The following RTEL1 variants were observed in gnomAD, a reference collection of about 807,000 sequenced individuals.
RTEL1 encodes regulator of telomere length.
A neutral mutation model predicts 162.2 loss-of-function variants in RTEL1; 86 were observed. That is an observed-to-expected ratio of 0.53 (90% CI 0.45 to 0.63). The LOEUF (loss-of-function observed/expected upper bound fraction) is 0.63. Among genes scored for constraint, RTEL1 ranks in the 30% least tolerant of loss-of-function variants. The pLI, the probability that RTEL1 is intolerant of heterozygous loss-of-function variation, is 0.00. For synonymous variants in RTEL1, 958 were observed against 717.9 expected (o/e 1.33, Z -5.35); for missense variants, 1,941 against 1,750.2 (o/e 1.11, Z -1.95).
At chr20:63,679,799 G>A in intron 12 of RTEL1, 50 bp from the exon 13 acceptor site, 3 of 1,413,684 alleles carry the variant, frequency 2.1e-6, no homozygotes, top group Non-Finnish European at 3.0e-6. Flanking sequence ...TCCCAAAGCT[G>A]CAGTCTGGTC....
At position 63,679,861 on chromosome 20, in the gene RTEL1, G is replaced by T; in HGVS notation, c.1050G>T (p.Glu350Asp). The change falls in exon 13 of 35, where the codon GAG becomes GAT. Residue 350 changes from glutamate (E) to aspartate (D), a missense_variant. Coordinates refer to ENST00000360203, the MANE Select transcript of RTEL1 (RefSeq NM_001283009.2). Reference protein sequence around the residue: ...GVTKPGSYIFELFAEAQITFQ... With the variant: ...GVTKPGSYIFDLFAEAQITFQ... ...TTCTCCTCGGCAGCTACATCTTTGA[G>T]CTGTTTGCTGAAGCCCAGATCACGT... The T allele has an allele frequency of 6.2e-7, 1 of 1,610,816 alleles. No homozygotes were observed.
In RTEL1 at chr20:63,685,894, C is replaced by T. The variant is rs774102977; in HGVS notation, c.1348+22C>T. On this transcript the variant is annotated intron_variant, in intron 16 of 34. Coordinates refer to ENST00000360203, the MANE Select transcript of RTEL1 (RefSeq NM_001283009.2). ...CGAGGTACAGACCTGGGCCCACACGCTCCCCGCCCGCCCGGGTGCAGTGCC... is the reference window on the plus strand; with the variant it reads ...CGAGGTACAGACCTGGGCCCACACGTTCCCCGCCCGCCCGGGTGCAGTGCC... 16 of 1,605,674 alleles carry T rather than the reference C, an allele frequency of 1.0e-5. No homozygotes were observed. In the Admixed American group the frequency reaches 2.5e-4, roughly 25 times the overall value.
In RTEL1 at chr20:63,695,707, G is replaced by A. The variant is rs950409867; in HGVS notation, c.3822+57G>A. 47 of 1,606,788 alleles carry A rather than the reference G, an allele frequency of 2.9e-5. No homozygotes were observed. In the African/African-American group the frequency reaches 3.3e-4, roughly 11 times the overall value. On this transcript the variant is annotated intron_variant, in intron 34 of 34. Coordinates refer to ENST00000360203, the MANE Select transcript of RTEL1 (RefSeq NM_001283009.2). ...GTGTAGCCCCAGGTGATGGGCTGAGGGGGAAAGGGCAGGCCCTTGTCCTGG... is the reference window on the plus strand; with the variant it reads ...GTGTAGCCCCAGGTGATGGGCTGAGAGGGAAAGGGCAGGCCCTTGTCCTGG...
Position 63,661,385 on chromosome 20 carries a change from C to G in RTEL1, c.190C>G (p.Arg64Gly). 2 of 1,613,900 alleles carry G rather than the reference C, an allele frequency of 1.2e-6. No homozygotes were observed. Among genetic ancestry groups the G allele is most frequent in the Non-Finnish European group, 1.7e-6 (2 of 1,180,046 alleles). ...CACGCTGGCCTGGCGAGAACACCTC[C>G]GAGACGGCATCTCTGCCCGCAAGAT... ...CTTLAWREHLRDGISARKIAE... is the reference protein window; with the variant it reads ...CTTLAWREHLGDGISARKIAE... The change falls in exon 3 of 35, where the codon CGA (arginine) becomes GGA (glycine). Residue 64 changes from arginine to glycine, a missense_variant. Physicochemically the swap from Arg to Gly is moderately radical, Grantham distance 125. Coordinates refer to ENST00000360203, the MANE Select transcript of RTEL1 (RefSeq NM_001283009.2). The surrounding 1 kb of genome is among the most constrained non-coding windows in gnomAD (Gnocchi z 5.1).
rs1387471472 is a variant in RTEL1 at position 63,693,455 on chromosome 20, C to G, written c.2992+172C>G. On this transcript the variant is annotated intron_variant, in intron 30 of 34. Coordinates refer to ENST00000360203, the MANE Select transcript of RTEL1 (RefSeq NM_001283009.2). ...CCACCACCAGCACCAGCAGCACCAC[C>G]TCCACCTCCACCTCCACCTCCACCT... Among the ~76,000 whole-genome samples, 26 of 41,474 alleles carry G rather than the reference C, an allele frequency of 6.3e-4. 1 individual carries two copies. Among genetic ancestry groups the G allele is most frequent in the Non-Finnish European group, 1.0e-3 (23 of 22,330 alleles). 27.2% of individuals were successfully genotyped at this position (41,474 alleles called of 152,430 possible).
chr20:63,686,358 G>C (rs1018559401), intron 16 of RTEL1: 1 of 189,682 alleles, frequency 5.3e-6, no homozygotes, highest in East Asian at 1.5e-4. Flanking sequence ...TGGCGTCTTC[G>C]AGTCGGTGCT....
At chr20:63,692,134 T>C (rs1374559700) in intron 28 of RTEL1, 4 of 361,042 alleles carry the variant, frequency 1.1e-5, no homozygotes, top group South Asian at 6.0e-5. Flanking sequence ...ACCTGCCTCA[T>C]GTGAGGGACA....
Position 63,694,391 on chromosome 20 carries a change from C to T in RTEL1, c.3012C>T (p.Pro1004=). 1.2e-6 allele frequency: 2 copies of T among 1,612,428 alleles called. No homozygotes were observed. Among genetic ancestry groups the T allele is most frequent in the Non-Finnish European group, 1.7e-6 (2 of 1,179,692 alleles). ...LDPTGRTAPD[P]KLTVSTAAAQ... ...CATCAGGAAGAACGGCGCCGGATCC[C>T]AAGCTGACCGTGTCCACGGCTGCAG... The change falls in exon 31 of 35, where the codon CCC becomes CCT. Residue 1004 remains proline, a synonymous_variant. Transcript: ENST00000360203.
At chr20:63,678,844 C>T (rs1282703585) in intron 12 of RTEL1, among the ~76,000 whole-genome samples, 1 of 136,938 alleles carries the variant, frequency 7.3e-6, no homozygotes, top group Admixed American at 6.9e-5. Context: ...GAACGGCACA[C>T]ACTCCCACGG....
chr20:63,692,823 GCA>G lies in RTEL1; in HGVS notation c.2674_2675del (p.Gln892AspfsTer35), dbSNP rs1337596400. 1 of 1,612,132 alleles carries G rather than the reference GCA, an allele frequency of 6.2e-7. No individual in the cohort carries two copies. The highest frequency in any genetic ancestry group is 8.5e-7 in the Non-Finnish European group (1 of 1,179,562). ...VSHPEEPVAG[A>X]QTDRAKLFMV... ...CCTGCAGGAGGAGCCCGTGGCTGGT[GCA>G]CAGACGGACAGGGCCAAGCTCTTCA... On this transcript the variant is annotated frameshift_variant, in exon 29 of 35. Transcript: ENST00000360203. LOFTEE classifies it high-confidence loss of function.
intron 30 of RTEL1, among the ~76,000 whole-genome samples, chr20:63,693,699 A>ACCT (rs2090877804): frequency 6.1e-5 from 1 of 16,464 alleles, no homozygotes; most frequent in Admixed American, 7.2e-4. Context: ...CACCACCACC[A>ACCT]CCACCTCCAC....
At position 63,661,476 on chromosome 20, in the gene RTEL1, C is replaced by A. The variant is rs1170676373; in HGVS notation, c.281C>A (p.Ala94Asp). The A allele has an allele frequency of 6.2e-7, 1 of 1,612,000 alleles. No homozygotes were observed. The change falls in exon 3 of 35, where the codon GCT becomes GAT. Residue 94 changes from alanine to aspartate, a missense_variant. Physicochemically the swap from Ala to Asp is moderately radical, Grantham distance 126. Coordinates refer to ENST00000360203, the MANE Select transcript of RTEL1 (RefSeq NM_001283009.2). This position sits in a 1 kb window ranked among gnomAD's most constrained non-coding sequence, Gnocchi z 5.1. ...TTGTCATCCTGGGGCAACGCTGCTG[C>A]TGCTGCTGGAGACCCCATAGGTGAC... is the stretch of plus-strand genomic sequence containing the variant. ...RALSSWGNAA[A>D]AAGDPIACYT...
rs370202708 is a variant in RTEL1, at chr20:63,690,827, C to T, written c.2436C>T (p.Pro812=). ...RSSGSPAAGD[P]ESSLCVEYEQ... Reference sequence around the variant, plus strand: ...CAGGGTCACCAGCTGCCGGGGACCCCGAGAGTAGCCTGTGTGTGGAGTATG... The same window carrying T: ...CAGGGTCACCAGCTGCCGGGGACCCTGAGAGTAGCCTGTGTGTGGAGTATG... The change falls in exon 27 of 35, where the codon CCC becomes CCT. Residue 812 remains proline, a synonymous_variant. Transcript: ENST00000360203. 37 of 1,604,914 alleles carry T rather than the reference C, an allele frequency of 2.3e-5. 1 individual carries two copies. The highest frequency in any genetic ancestry group is 2.0e-4 in the African/African-American group (15 of 74,660).
intron 13 of RTEL1, among the ~76,000 whole-genome samples, chr20:63,680,214 G>A (rs117979470): frequency 2.0e-5 from 3 of 152,362 alleles, no homozygotes; most frequent in Non-Finnish European, 4.4e-5. Flanking sequence ...CAAGGCCCTA[G>A]CTGGCTTGTG....
At position 63,667,492 on chromosome 20, in the gene RTEL1, G is replaced by A. The variant is rs770742969; in HGVS notation, c.638G>A (p.Arg213Gln). Residue 213 changes from arginine to glutamine, a missense_variant, in exon 8 of 35, where the codon CGG becomes CAG. Physicochemically the swap from Arg to Gln is conservative, Grantham distance 43. Coordinates refer to ENST00000360203, the MANE Select transcript of RTEL1 (RefSeq NM_001283009.2). ...AGGGTGTGCCCTTACTACCTGTCCC[G>A]GAACCTGAAGCAGCAAGCCGACATC... Reference protein sequence around the residue: ...KHRVCPYYLSRNLKQQADIIF... With the variant: ...KHRVCPYYLSQNLKQQADIIF... 3.8e-5 allele frequency: 62 copies of A among 1,613,632 alleles called. No homozygotes were observed. The East Asian group carries it at 4.0e-4, about 10-fold the overall frequency.
rs557328920 is a variant in RTEL1, at chr20:63,694,590, G to T, written c.3109+102G>T. 14 of 1,246,920 alleles carry T rather than the reference G, an allele frequency of 1.1e-5. No individual in the cohort carries two copies. The South Asian group carries it at 1.9e-4, about 17-fold the overall frequency. 77.2% of individuals were successfully genotyped at this position (1,246,920 alleles called of 1,614,324 possible). On this transcript the variant is annotated intron_variant, in intron 31 of 34. Coordinates refer to ENST00000360203, the MANE Select transcript of RTEL1 (RefSeq NM_001283009.2). The stretch of plus-strand genomic sequence containing the variant: ...GTGGCCGGGGCTGCCCCTGTGGGGA[G>T]CCATCTCATGGTGGGGACTGCTCCC...
At chr20:63,666,613 G>A (rs1359678271) in intron 7 of RTEL1, among the ~76,000 whole-genome samples, 2 of 152,108 alleles carry the variant, frequency 1.3e-5, no homozygotes, top group Non-Finnish European at 2.9e-5. Context: ...TTGGCTCACT[G>A]CAGCCTCAGC....
chr20:63,686,635 T>G (rs2090599683), intron 16 of RTEL1: 1 of 152,500 alleles, frequency 6.6e-6, no homozygotes, highest in African/African-American at 2.4e-5. Context: ...GAAGCAGCCC[T>G]TGTGCGGTTG....
At chr20:63,688,751 C>T (rs1178630615) in intron 21 of RTEL1, 146 bp downstream of exon 21, 1 of 716,092 alleles carries the variant, frequency 1.4e-6, no homozygotes, top group African/African-American at 1.8e-5. Flanking sequence ...TCCTTCCTGG[C>T]CCTGAGTGTT....
Sources: gnomAD v4.1 joint callset for allele counts (sites outside exome capture counted in the v4.1 genomes callset) on GRCh38, gnomAD v4.1.1 for gene constraint, Gnocchi (gnomAD v3.1) non-coding constraint, MANE v1.5 for transcripts, NCBI Gene and HGNC (gene_info 2026-07-23, HGNC 2026-07-21) for gene names.